The following CYP2J2 variants were observed in gnomAD, a reference collection of about 807,000 sequenced individuals.
CYP2J2 encodes cytochrome P450 family 2 subfamily J member 2, also known as cytochrome P450 2J2.
CYP2J2 carries 41 observed loss-of-function variants against 48.8 expected under a neutral mutation model. That is an observed-to-expected ratio of 0.84 (90% confidence interval 0.66 to 1.09). CYP2J2 has a LOEUF of 1.09. Ranked by LOEUF, CYP2J2 falls within the 50% of genes least tolerant of loss-of-function variation. CYP2J2 has a pLI of 0.00. For synonymous variants in CYP2J2, 221 were observed against 227.1 expected (o/e 0.97, Z 0.24); for missense variants, 644 against 617.3 (o/e 1.04, Z -0.46).
the CYP2J2 span, among the ~76,000 whole-genome samples, chr1:59,943,688 T>C: frequency 4.6e-5 from 7 of 151,926 alleles, no homozygotes; most frequent in African/African-American, 7.3e-5. Flanking sequence ...TTTTTTTTTT[T>C]TCCCCCCACA....
chr1:59,915,526 C>T (rs534366356), intron 2 of CYP2J2, among the ~76,000 whole-genome samples: 1 of 152,290 alleles, frequency 6.6e-6, no homozygotes, highest in South Asian at 2.1e-4. Flanking sequence ...CTCTGTGTGA[C>T]ACAACCTTAA....
Position 59,916,008 on chromosome 1 carries a change from A to T in CYP2J2, c.303T>A (p.Leu101=). The T allele has an allele frequency of 6.2e-7, 1 of 1,614,040 alleles. No homozygotes were observed. Among genetic ancestry groups the T allele is most frequent in the East Asian group, 2.2e-5 (1 of 44,882 alleles). ...ITGLPLIKEA[L]IHMDQNFGNR... ...TCCCAAAGTTTTGGTCCATGTGGATAAGGGCTTCTTTGATTAAGGGCAAGC... is the reference window on the plus strand; with the variant it reads ...TCCCAAAGTTTTGGTCCATGTGGATTAGGGCTTCTTTGATTAAGGGCAAGC... Residue 101 remains leucine (L), a synonymous_variant, in exon 2 of 9, where the codon CTT becomes CTA. Transcript: ENST00000371204.
At chr1:59,953,750 T>C in the CYP2J2 span, among the ~76,000 whole-genome samples, 2 of 152,032 alleles carry the variant, frequency 1.3e-5, no homozygotes, top group African/African-American at 4.8e-5. Flanking sequence ...TGGCAAAAAT[T>C]TGGTAATTCT....
At chr1:59,922,255 C>A (rs181493710) in intron 1 of CYP2J2, among the ~76,000 whole-genome samples, 4 of 152,320 alleles carry the variant, frequency 2.6e-5, no homozygotes, top group South Asian at 2.1e-4. Context: ...ATAACCCGGG[C>A]AGTTCACTGT....
chr1:59,900,214 A>C (rs566952550), intron 8 of CYP2J2, among the ~76,000 whole-genome samples: 1 of 152,352 alleles, frequency 6.6e-6, no homozygotes, highest in African/African-American at 2.4e-5. Context: ...ACTGATGCCC[A>C]TGTGGCAAAT....
the CYP2J2 span, among the ~76,000 whole-genome samples, chr1:59,962,865 A>C: frequency 6.6e-6 from 1 of 152,202 alleles, no homozygotes; most frequent in Non-Finnish European, 1.5e-5. Flanking sequence ...TTATCCCATC[A>C]ATCTTTGAGA....
the CYP2J2 span, among the ~76,000 whole-genome samples, chr1:59,967,321 T>A: frequency 6.6e-6 from 1 of 152,184 alleles, no homozygotes; most frequent in Non-Finnish European, 1.5e-5. Flanking sequence ...TCCTTTCCAA[T>A]GAGTCAGTGT....
At chr1:59,918,231 G>A (rs996157420) in intron 1 of CYP2J2, among the ~76,000 whole-genome samples, 2 of 152,038 alleles carry the variant, frequency 1.3e-5, no homozygotes, top group African/African-American at 4.8e-5. Context: ...AACTTCTTAG[G>A]CCTGACAAGA....
At chr1:59,935,025 T>TATATATATATATATAC in the CYP2J2 span, among the ~76,000 whole-genome samples, 43 of 85,830 alleles carry the variant, frequency 5.0e-4, 1 homozygote, top group South Asian at 4.5e-3. Flanking sequence ...CATATATATA[T>TATATATATATATATAC]ATATATATAT....
At chr1:59,908,212 A>ATGTGAACGAGACAGATTTGGC (rs1254223030) in intron 5 of CYP2J2, among the ~76,000 whole-genome samples, 4 of 152,180 alleles carry the variant, frequency 2.6e-5, no homozygotes, top group African/African-American at 9.7e-5. Context: ...GGAGAATGGG[A>ATGTGAACGAGACAGATTTGGC]TGTGAACGAG....
intron 1 of CYP2J2, among the ~76,000 whole-genome samples, chr1:59,916,823 G>C (rs1436327501): frequency 2.0e-5 from 3 of 151,980 alleles, no homozygotes; most frequent in Admixed American, 1.3e-4. Context: ...ATTCTCACCT[G>C]AACACTAATC....
chr1:59,935,049 T>C, the CYP2J2 span, among the ~76,000 whole-genome samples: 21 of 100,754 alleles, frequency 2.1e-4, no homozygotes, highest in Admixed American at 7.1e-4. Context: ...TATATATATA[T>C]ATACACAACA....
chr1:59,916,094 T>G lies in CYP2J2; in HGVS notation c.217A>C (p.Lys73Gln). The change falls in exon 2 of 9, where the codon AAG becomes CAG. Residue 73 changes from lysine (K) to glutamine (Q), a missense_variant. Physicochemically the swap from Lys to Gln is moderately conservative, Grantham distance 53. Transcript: ENST00000371204. The part of the protein sequence containing the change: ...QSHLEVQLFV[K>Q]KYGNLFSLEL... ...AAGCTAAAAAGGTTCCCATATTTCT[T>G]CACAAACTGAAAAATAGTTAAATCG... The G allele has an allele frequency of 6.2e-7, 1 of 1,606,702 alleles. No individual in the cohort carries two copies. The highest frequency in any genetic ancestry group is 1.1e-5 in the South Asian group (1 of 89,700).
At chr1:59,956,330 AGT>A in the CYP2J2 span, among the ~76,000 whole-genome samples, 2 of 152,134 alleles carry the variant, frequency 1.3e-5, 1 homozygote, top group African/African-American at 4.8e-5. Context: ...GTCATAAGGA[AGT>A]GTGTGTTGGA....
the CYP2J2 span, among the ~76,000 whole-genome samples, chr1:59,937,390 A>G: frequency 6.6e-6 from 1 of 152,080 alleles, no homozygotes; most frequent in Non-Finnish European, 1.5e-5. Flanking sequence ...GCTAGCAGCC[A>G]TGTGTCTATT....
At chr1:59,911,881 G>T in intron 3 of CYP2J2, 113 bp from the exon 4 acceptor site, 1 of 1,106,520 alleles carries the variant, frequency 9.0e-7, no homozygotes, top group Non-Finnish European at 1.3e-6. Flanking sequence ...CATATATGAG[G>T]AGCTGGCCAC....
At chr1:59,902,962 T>A (rs1179840455) in intron 7 of CYP2J2, among the ~76,000 whole-genome samples, 1 of 152,206 alleles carries the variant, frequency 6.6e-6, no homozygotes, top group Non-Finnish European at 1.5e-5. Flanking sequence ...AACACACAAT[T>A]ATTTCAACTT....
Position 59,916,092 on chromosome 1 carries a change from C to G in CYP2J2, c.219G>C (p.Lys73Asn). 6.2e-7 allele frequency: 1 copy of G among 1,607,160 alleles called. No homozygotes were observed. The highest frequency in any genetic ancestry group is 8.5e-7 in the Non-Finnish European group (1 of 1,177,362). ...CCAAGCTAAAAAGGTTCCCATATTT[C>G]TTCACAAACTGAAAAATAGTTAAAT... ...QSHLEVQLFV[K>N]KYGNLFSLEL... Residue 73 changes from lysine (K) to asparagine (N), a missense_variant, in exon 2 of 9, where the codon AAG becomes AAC. Coordinates refer to ENST00000371204, the MANE Select transcript of CYP2J2 (RefSeq NM_000775.4).
At chr1:59,960,324 G>C in the CYP2J2 span, among the ~76,000 whole-genome samples, 1 of 152,208 alleles carries the variant, frequency 6.6e-6, no homozygotes, top group African/African-American at 2.4e-5. Flanking sequence ...CCATCCGAGT[G>C]AAGAGAGAGC....
Sources: gnomAD v4.1 joint callset for allele counts (sites outside exome capture counted in the v4.1 genomes callset) on GRCh38, gnomAD v4.1.1 for gene constraint, MANE v1.5 for transcripts, NCBI Gene and HGNC (gene_info 2026-07-23, HGNC 2026-07-21) for gene names.